The following MAP3K6 variants were observed in gnomAD, a reference collection of about 807,000 sequenced individuals.
MAP3K6 encodes apoptosis signal-regulating kinase 2.
Under a neutral mutation model 147.1 loss-of-function variants are expected in MAP3K6, and 105 were observed. That is an observed-to-expected ratio of 0.71 (90% CI 0.61 to 0.84). The LOEUF (loss-of-function observed/expected upper bound fraction) is 0.84. MAP3K6 is among the 40% of genes least tolerant of loss of function. MAP3K6 has a pLI of 0.00. For synonymous variants in MAP3K6, 695 were observed against 732.4 expected (o/e 0.95, Z 0.82); for missense variants, 1,569 against 1,715.0 (o/e 0.91, Z 1.50).
rs2015477828 is a variant in MAP3K6 at position 27,355,282 on chromosome 1, C to T, written c.*109G>A. The T allele has an allele frequency of 9.5e-7, 1 of 1,054,592 alleles. No individual in the cohort carries two copies. Among genetic ancestry groups the T allele is most frequent in the Non-Finnish European group, 1.5e-6 (1 of 670,714 alleles). 65.3% of individuals were successfully genotyped at this position (1,054,592 alleles called of 1,614,324 possible). ...CCAGTCCTGGGCCCCACTCGCCTGGCTTCCTCCAGTCGCCCCAGGTCCTGG... is the reference window on the plus strand; with the variant it reads ...CCAGTCCTGGGCCCCACTCGCCTGGTTTCCTCCAGTCGCCCCAGGTCCTGG... On this transcript the variant is annotated 3_prime_UTR_variant, in exon 29 of 29. Transcript: ENST00000357582.
In MAP3K6 at chr1:27,363,568, G is replaced by C; in HGVS notation, c.865-20C>G. 1 of 1,579,006 alleles carries C rather than the reference G, an allele frequency of 6.3e-7. No individual in the cohort carries two copies. Among genetic ancestry groups the C allele is most frequent in the Non-Finnish European group, 8.6e-7 (1 of 1,157,320 alleles). Reference sequence around the variant, plus strand: ...GTAGTCCTGCATCAGGGAACGGCAAGCACTGGCATCATGGGCCTCCAGGCC... The same window carrying C: ...GTAGTCCTGCATCAGGGAACGGCAACCACTGGCATCATGGGCCTCCAGGCC... On this transcript the variant is annotated intron_variant, in intron 5 of 28. Coordinates refer to ENST00000357582, the MANE Select transcript of MAP3K6 (RefSeq NM_004672.5).
chr1:27,361,527 T>A lies in MAP3K6; in HGVS notation c.1679A>T (p.Glu560Val). ...CCTCAGCAGCGACTTCACCTGGGTC[T>A]CAGGCTCCAGCAGGCTCAGGGTCAC... Reference protein sequence around the residue: ...STVTLSLLEPETQDIPSSWTF... With the variant: ...STVTLSLLEPVTQDIPSSWTF... Residue 560 changes from glutamate (E) to valine (V), a missense_variant, in exon 11 of 29, where the codon GAG (glutamate) becomes GTG (valine). By Grantham distance (121) the Glu-to-Val change is moderately radical. Transcript: ENST00000357582. 6.2e-7 allele frequency: 1 copy of A among 1,614,156 alleles called. No homozygotes were observed. Among genetic ancestry groups the A allele is most frequent in the Non-Finnish European group, 8.5e-7 (1 of 1,180,020 alleles).
Position 27,364,232 on chromosome 1 carries a change from G to A in MAP3K6, c.667C>T (p.Leu223=), listed in dbSNP as rs770581855. The change falls in exon 4 of 29, where the codon CTG becomes TTG. Residue 223 remains leucine (L), a synonymous_variant. Coordinates refer to ENST00000357582, the MANE Select transcript of MAP3K6 (RefSeq NM_004672.5). The surrounding 1 kb of genome is among the most constrained non-coding windows in gnomAD (Gnocchi z 4.4). ...LTPLVGRLAR[L]LEATPTDSCG... ...GAGTCTGTGGGTGTGGCCTCCAGCA[G>A]GCGGGCAAGCCGGCCCACCAGGGGA... is the stretch of plus-strand genomic sequence containing the variant. The A allele has an allele frequency of 2.0e-5, 32 of 1,612,558 alleles. No homozygotes were observed. The South Asian group carries it at 3.5e-4, about 18-fold the overall frequency.
At position 27,358,747 on chromosome 1, in the gene MAP3K6, AG is replaced by A. The variant is rs34008139; in HGVS notation, c.2544del (p.Phe849SerfsTer143). ...GCCTGTGGGCTCCCGAGCTCGTGGA[AG>A]GGGGGGCGACCTGTGGCCATCTCAA... ...TVIEMATGRP[P>X]FHELGSPQAA... On this transcript the variant is annotated frameshift_variant, in exon 19 of 29. Transcript: ENST00000357582. LOFTEE classifies it high-confidence loss of function. The surrounding 1 kb of genome is among the most constrained non-coding windows in gnomAD (Gnocchi z 6.2). The A allele has an allele frequency of 4.8e-5, 78 of 1,613,726 alleles. No individual in the cohort carries two copies. Among genetic ancestry groups the A allele is most frequent in the Non-Finnish European group, 6.1e-5 (72 of 1,179,972 alleles).
chr1:27,355,253 G>A lies in MAP3K6; in HGVS notation c.*138C>T. 3.7e-6 allele frequency: 3 copies of A among 809,666 alleles called. No homozygotes were observed. The South Asian group carries it at 4.1e-5, about 11-fold the overall frequency. 50.2% of individuals were successfully genotyped at this position (809,666 alleles called of 1,614,324 possible). A position where few individuals can be genotyped will look rare whatever the true frequency, so the allele number is the denominator to read the frequency against. On this transcript the variant is annotated 3_prime_UTR_variant, in exon 29 of 29. Coordinates refer to ENST00000357582, the MANE Select transcript of MAP3K6 (RefSeq NM_004672.5). The stretch of plus-strand genomic sequence containing the variant: ...GTGCCTGTGGTTGGTTTCTCTCACT[G>A]GAACCAGTCCTGGGCCCCACTCGCC...
At chr1:27,365,396 G>C (rs1361238703) in intron 1 of MAP3K6, among the ~76,000 whole-genome samples, 1 of 152,004 alleles carries the variant, frequency 6.6e-6, no homozygotes, top group Non-Finnish European at 1.5e-5. Flanking sequence ...CGTCTGCTAG[G>C]GCCTGCATGA....
Position 27,360,302 on chromosome 1 carries a change from G to C in MAP3K6, c.2121C>G (p.Arg707=). The change falls in exon 16 of 29, where the codon CGC becomes CGG. Residue 707 remains arginine (R), a synonymous_variant. Transcript: ENST00000357582. This position sits in a 1 kb window ranked among gnomAD's most constrained non-coding sequence, Gnocchi z 4.5. ...HRRLRHKNIV[R]YLGSASQGGY... ...CGCCCTGGCTAGCTGAGCCCAGATAGCGCACTATGTTCTTGTGGCGCAGGC... is the reference window on the plus strand; with the variant it reads ...CGCCCTGGCTAGCTGAGCCCAGATACCGCACTATGTTCTTGTGGCGCAGGC... The C allele has an allele frequency of 1.2e-6, 2 of 1,614,106 alleles. No homozygotes were observed. Among genetic ancestry groups the C allele is most frequent in the Non-Finnish European group, 1.7e-6 (2 of 1,179,998 alleles).
At chr1:27,363,597 A>T in intron 5 of MAP3K6, 49 bp from the exon 6 acceptor site, 3 of 1,417,722 alleles carry the variant, frequency 2.1e-6, no homozygotes, top group Non-Finnish European at 2.9e-6. Flanking sequence ...CCAGGCCCCA[A>T]GGAACCTTGA....
chr1:27,359,899 C>T lies in MAP3K6; in HGVS notation c.2278G>A (p.Gly760Ser). The T allele has an allele frequency of 6.2e-7, 1 of 1,614,170 alleles. No individual in the cohort carries two copies. The highest frequency in any genetic ancestry group is 8.5e-7 in the Non-Finnish European group (1 of 1,180,020). ...ACGATGTGGTTGTCGTGCAAGTAGC[C>T]AAGTCCCTGCAGGATCTGGCGGGTG... ...FYTRQILQGL[G>S]YLHDNHIVHR... Residue 760 changes from glycine to serine, a missense_variant, in exon 17 of 29, where the codon GGC (glycine) becomes AGC (serine). Coordinates refer to ENST00000357582, the MANE Select transcript of MAP3K6 (RefSeq NM_004672.5). This position sits in a 1 kb window ranked among gnomAD's most constrained non-coding sequence, Gnocchi z 4.4.
In MAP3K6 at chr1:27,362,841, T is replaced by G. The variant is rs1158691221; in HGVS notation, c.1142+10A>C. ...AGCTTAGCCCACCGGCCACTCACTG[T>G]GCTCTTTACCAGTGATAGGCCTGCT... On this transcript the variant is annotated intron_variant, in intron 7 of 28. Transcript: ENST00000357582. 6.2e-7 allele frequency: 1 copy of G among 1,613,692 alleles called. No homozygotes were observed. Among genetic ancestry groups the G allele is most frequent in the Admixed American group, 1.7e-5 (1 of 59,980 alleles).
In MAP3K6 at chr1:27,355,413, G is replaced by A. The variant is rs2015482655; in HGVS notation, c.3845C>T (p.Thr1282Ile). ...RAILAQRAGS[T>I]PVTSGP ...CTCTCAGGGTCCAGAGGTGACTGGT[G>A]TGGATCCTGCTCGCTGTGCCAAGAT... is the stretch of plus-strand genomic sequence containing the variant. Residue 1282 changes from threonine to isoleucine, a missense_variant, in exon 29 of 29, where the codon ACA (threonine) becomes ATA (isoleucine). Physicochemically the swap from Thr to Ile is moderately conservative, Grantham distance 89 (BLOSUM62 -1). Coordinates refer to ENST00000357582, the MANE Select transcript of MAP3K6 (RefSeq NM_004672.5). The A allele has an allele frequency of 6.2e-7, 1 of 1,614,056 alleles. No homozygotes were observed. Among genetic ancestry groups the A allele is most frequent in the Non-Finnish European group, 8.5e-7 (1 of 1,180,004 alleles).
chr1:27,362,673 T>G lies in MAP3K6; in HGVS notation c.1223A>C (p.His408Pro), dbSNP rs747967824. ...AAVLLIAAGQ[H>P]FEDSKELRLI... ...CCGGAGCTCTTTGGAATCCTCAAAGTGCTGCCCGGCAGCAATGAGGAGCAC... is the reference window on the plus strand; with the variant it reads ...CCGGAGCTCTTTGGAATCCTCAAAGGGCTGCCCGGCAGCAATGAGGAGCAC... The change falls in exon 8 of 29, where the codon CAC becomes CCC. Residue 408 changes from histidine (H) to proline (P), a missense_variant. Coordinates refer to ENST00000357582, the MANE Select transcript of MAP3K6 (RefSeq NM_004672.5). 1.2e-6 allele frequency: 2 copies of G among 1,603,298 alleles called. No individual in the cohort carries two copies. The highest frequency in any genetic ancestry group is 1.7e-6 in the Non-Finnish European group (2 of 1,174,038).
chr1:27,356,658 C>T lies in MAP3K6; in HGVS notation c.3456G>A (p.Pro1152=), dbSNP rs2015535844. 7 of 1,611,994 alleles carry T rather than the reference C, an allele frequency of 4.3e-6. No homozygotes were observed. The highest frequency in any genetic ancestry group is 5.9e-6 in the Non-Finnish European group (7 of 1,178,946). Residue 1152 remains proline, a synonymous_variant, in exon 25 of 29, where the codon CCG becomes CCA. Coordinates refer to ENST00000357582, the MANE Select transcript of MAP3K6 (RefSeq NM_004672.5). The stretch of plus-strand genomic sequence containing the variant: ...GAGCGGGGCCCTGCTCGGGCTCCAC[C>T]GGAAGCGGGCTCTGCTGGCCTGGGC... ...QQSPGQQSPL[P]VEPEQGPAPL...
chr1:27,365,177 G>A (rs1480182974), intron 1 of MAP3K6, among the ~76,000 whole-genome samples: 1 of 152,120 alleles, frequency 6.6e-6, no homozygotes, highest in Non-Finnish European at 1.5e-5. Flanking sequence ...TGGGGGAAGG[G>A]AGGCTGTGGA....
chr1:27,361,569 G>A lies in MAP3K6; in HGVS notation c.1637C>T (p.Thr546Ile). 1 of 1,614,190 alleles carries A rather than the reference G, an allele frequency of 6.2e-7. No homozygotes were observed. Among genetic ancestry groups the A allele is most frequent in the Non-Finnish European group, 8.5e-7 (1 of 1,180,040 alleles). ...CAGGGTCACTGTGCTTACTGGGTCA[G>A]TACCCCGAACCTCGAGCTTTGCAGG... ...LLPAKLEVRG[T>I]DPVSTVTLSL... is the part of the protein sequence containing the mutation. The change falls in exon 11 of 29, where the codon ACT becomes ATT. Residue 546 changes from threonine to isoleucine, a missense_variant. Coordinates refer to ENST00000357582, the MANE Select transcript of MAP3K6 (RefSeq NM_004672.5).
intron 24 of MAP3K6, 54 bp from the exon 25 acceptor site, chr1:27,356,803 CCA>C: frequency 1.3e-6 from 2 of 1,522,544 alleles, no homozygotes; most frequent in Non-Finnish European, 1.8e-6. Context: ...TTTGGGAACC[CCA>C]GACCCCAAAG....
Position 27,364,050 on chromosome 1 carries a change from C to G in MAP3K6, c.731G>C (p.Arg244Pro), listed in dbSNP as rs554275379. The change falls in exon 5 of 29, where the codon CGG (arginine) becomes CCG (proline). Residue 244 changes from arginine (R) to proline (P), a missense_variant. Arg to Pro is a moderately radical substitution (Grantham distance 103). Coordinates refer to ENST00000357582, the MANE Select transcript of MAP3K6 (RefSeq NM_004672.5). This position sits in a 1 kb window ranked among gnomAD's most constrained non-coding sequence, Gnocchi z 4.4. ...YFRETIRRDI[R>P]QARERFSGPQ... ...CCCACTGAACCGCTCCCGCGCCTGCCGGATGTCCCGCCGAATGGTCTCCCG... is the reference window on the plus strand; with the variant it reads ...CCCACTGAACCGCTCCCGCGCCTGCGGGATGTCCCGCCGAATGGTCTCCCG... 6.2e-7 allele frequency: 1 copy of G among 1,612,848 alleles called. No individual in the cohort carries two copies. The highest frequency in any genetic ancestry group is 1.3e-5 in the African/African-American group (1 of 75,062).
rs147591942 is a variant in MAP3K6, at chr1:27,366,823, G to A, written c.-226C>T. ...AAGGTCCTGAGGTTCTGAAATCCGG[G>A]ATTGGGTCCCAGGAATCTGGGGCAT... On this transcript the variant is annotated 5_prime_UTR_variant, in exon 1 of 29. Transcript: ENST00000357582. This position sits in a 1 kb window ranked among gnomAD's most constrained non-coding sequence, Gnocchi z 5.5. 5.7e-5 allele frequency: 11 copies of A among 192,666 alleles called. No individual in the cohort carries two copies. Among genetic ancestry groups the A allele is most frequent in the Non-Finnish European group, 8.7e-5 (9 of 103,318 alleles). 11.9% of individuals were successfully genotyped at this position (192,666 alleles called of 1,614,324 possible). A position where few individuals can be genotyped will look rare whatever the true frequency, so the allele number is the denominator to read the frequency against.
At position 27,360,146 on chromosome 1, in the gene MAP3K6, T is replaced by G; in HGVS notation, c.2182+95A>C. ...TCTAGGCTACACCACCCACACGCAC[T>G]AGGGTGCATTTCCCCCTAGGGCTCT... On this transcript the variant is annotated intron_variant, in intron 16 of 28. Transcript: ENST00000357582. The surrounding 1 kb of genome is among the most constrained non-coding windows in gnomAD (Gnocchi z 4.5). 8.2e-6 allele frequency: 13 copies of G among 1,582,410 alleles called. No homozygotes were observed. Among genetic ancestry groups the G allele is most frequent in the Admixed American group, 1.7e-5 (1 of 58,706 alleles).
Sources: gnomAD v4.1 joint callset for allele counts (sites outside exome capture counted in the v4.1 genomes callset) on GRCh38, gnomAD v4.1.1 for gene constraint, Gnocchi (gnomAD v3.1) non-coding constraint, MANE v1.5 for transcripts, NCBI Gene and HGNC (gene_info 2026-07-23, HGNC 2026-07-21) for gene names.